The following TAFA4 variants were observed in gnomAD, a reference collection of about 807,000 sequenced individuals.
TAFA4 encodes TAFA chemokine like family member 4.
TAFA4 carries 20 observed loss-of-function variants against 21.1 expected under a neutral mutation model. The ratio of observed to expected loss-of-function variants is 0.95; its 90% confidence interval spans 0.67 to 1.38. TAFA4 has a LOEUF of 1.38. Among genes scored for constraint, TAFA4 ranks in the 40% most tolerant of loss-of-function variants. The probability of loss-of-function intolerance (pLI) is 0.00; values close to 1 mark genes in which losing one functional copy is unlikely to be tolerated. For synonymous variants in TAFA4, 71 were observed against 67.4 expected (o/e 1.05, Z -0.26); for missense variants, 211 against 180.9 (o/e 1.17, Z -0.95).
intron 3 of TAFA4, among the ~76,000 whole-genome samples, chr3:68,839,136 G>A (rs954618248): frequency 1.3e-5 from 2 of 152,062 alleles, no homozygotes; most frequent in Non-Finnish European, 2.9e-5. Context: ...CTGCCTATGT[G>A]GAGATTATAT....
intron 1 of TAFA4, among the ~76,000 whole-genome samples, chr3:68,902,525 G>A (rs769762945): frequency 3.9e-5 from 6 of 152,004 alleles, no homozygotes; most frequent in Non-Finnish European, 4.4e-5. Context: ...ATGCTAGCAT[G>A]CCTGAAAAAC....
chr3:68,885,770 C>T (rs186732832), intron 1 of TAFA4, among the ~76,000 whole-genome samples: 60 of 152,248 alleles, frequency 3.9e-4, no homozygotes, highest in Admixed American at 1.3e-3. Context: ...GAAGATGATG[C>T]TAGACAATCT....
chr3:68,766,444 C>T (rs139966679), intron 3 of TAFA4, among the ~76,000 whole-genome samples: 4 of 152,022 alleles, frequency 2.6e-5, no homozygotes, highest in Non-Finnish European at 5.9e-5. Flanking sequence ...TGATACTTCT[C>T]AGAGAGACAT....
intron 3 of TAFA4, among the ~76,000 whole-genome samples, chr3:68,861,228 A>C (rs570223983): frequency 9.2e-5 from 14 of 151,954 alleles, no homozygotes; most frequent in East Asian, 7.8e-4. Context: ...GGGAATCCAG[A>C]AGTTACCTGC....
chr3:68,740,490 T>G (rs1702329148), intron 4 of TAFA4, among the ~76,000 whole-genome samples: 2 of 152,194 alleles, frequency 1.3e-5, no homozygotes, highest in Non-Finnish European at 2.9e-5. Flanking sequence ...TTTGTATGTC[T>G]TCCTTGGAAA....
chr3:68,811,517 C>T (rs1703838034), intron 3 of TAFA4, among the ~76,000 whole-genome samples: 1 of 152,272 alleles, frequency 6.6e-6, no homozygotes, highest in South Asian at 2.1e-4. Flanking sequence ...ACGAGAACTA[C>T]ATGATGAATG....
At chr3:68,886,267 A>G (rs2089671609) in intron 1 of TAFA4, among the ~76,000 whole-genome samples, 1 of 152,154 alleles carries the variant, frequency 6.6e-6, no homozygotes, top group South Asian at 2.1e-4. Flanking sequence ...TTGAAGACTC[A>G]CCACTTTGGG....
intron 3 of TAFA4, among the ~76,000 whole-genome samples, chr3:68,872,363 CT>C (rs2089492609): frequency 6.6e-6 from 1 of 151,852 alleles, no homozygotes; most frequent in Non-Finnish European, 1.5e-5. Flanking sequence ...AGATTTCATA[CT>C]GGTAGAAAGT....
chr3:68,761,799 G>A (rs1216927399), intron 3 of TAFA4, among the ~76,000 whole-genome samples: 2 of 152,192 alleles, frequency 1.3e-5, no homozygotes, highest in Non-Finnish European at 2.9e-5. Context: ...AGCTGGTGGT[G>A]GCTTGGACCA....
intron 1 of TAFA4, among the ~76,000 whole-genome samples, chr3:68,910,926 A>G (rs2089955636): frequency 6.6e-6 from 1 of 152,250 alleles, no homozygotes; most frequent in African/African-American, 2.4e-5. Flanking sequence ...TGCTTGATAA[A>G]TATCAACTCT....
chr3:68,786,364 G>T (rs1024668919), intron 3 of TAFA4, among the ~76,000 whole-genome samples: 8 of 152,200 alleles, frequency 5.3e-5, no homozygotes, highest in African/African-American at 1.9e-4. Flanking sequence ...TACCCAGGAG[G>T]CTGAGATGGG....
At chr3:68,879,593 C>G (rs1440360783) in intron 3 of TAFA4, among the ~76,000 whole-genome samples, 1 of 152,156 alleles carries the variant, frequency 6.6e-6, no homozygotes, top group Non-Finnish European at 1.5e-5. Context: ...TCACAGCAGC[C>G]AAATGGTATT....
chr3:68,931,970 C>A (rs561405661), intron 1 of TAFA4, among the ~76,000 whole-genome samples: 17 of 152,310 alleles, frequency 1.1e-4, no homozygotes, highest in African/African-American at 3.8e-4. Flanking sequence ...CAGACATGAA[C>A]CCCGAAACTG....
At chr3:68,789,045 A>C (rs1163651938) in intron 3 of TAFA4, among the ~76,000 whole-genome samples, 2 of 152,104 alleles carry the variant, frequency 1.3e-5, no homozygotes, top group African/African-American at 4.8e-5. Flanking sequence ...CATCCTGGCT[A>C]ACATGGTGAG....
intron 3 of TAFA4, among the ~76,000 whole-genome samples, chr3:68,857,372 C>CT (rs1193675489): frequency 6.6e-6 from 1 of 152,022 alleles, no homozygotes; most frequent in Non-Finnish European, 1.5e-5. Context: ...CATAGAAAAA[C>CT]AATGCCTGTA....
rs576588065 is a variant in TAFA4 at position 68,733,217 on chromosome 3, C to G, written c.412-64G>C. 5 of 1,582,688 alleles carry G rather than the reference C, an allele frequency of 3.2e-6. No individual in the cohort carries two copies. In the Middle Eastern group the frequency reaches 5.1e-4, roughly 161 times the overall value. ...TACCCACCGAAATAACCATTCCTGC[C>G]CCCGAGACCAATAAGGTCCTGACTG... On this transcript the variant is annotated intron_variant, in intron 5 of 5. Transcript: ENST00000295569.
At chr3:68,891,542 A>G (rs1306091124) in intron 1 of TAFA4, among the ~76,000 whole-genome samples, 1 of 152,230 alleles carries the variant, frequency 6.6e-6, no homozygotes, top group South Asian at 2.1e-4. Flanking sequence ...GTACTAGGGC[A>G]CAAGTAGGAA....
intron 3 of TAFA4, among the ~76,000 whole-genome samples, chr3:68,827,232 T>C (rs1704260612): frequency 6.6e-6 from 1 of 152,188 alleles, no homozygotes; most frequent in South Asian, 2.1e-4. Context: ...TTTTTATGGC[T>C]GCATAGTATT....
At chr3:68,757,806 G>C (rs767318004) in intron 3 of TAFA4, among the ~76,000 whole-genome samples, 17 of 151,980 alleles carry the variant, frequency 1.1e-4, no homozygotes, top group Non-Finnish European at 2.1e-4. Context: ...ATAACTAATA[G>C]CACCTTACAA....
Sources: gnomAD v4.1 joint callset for allele counts (sites outside exome capture counted in the v4.1 genomes callset) on GRCh38, gnomAD v4.1.1 for gene constraint, MANE v1.5 for transcripts, NCBI Gene and HGNC (gene_info 2026-07-23, HGNC 2026-07-21) for gene names.